The following NIPA1 variants were observed in gnomAD, a reference collection of about 807,000 sequenced individuals.
NIPA1 encodes NIPA magnesium transporter 1.
Under a neutral mutation model 23.9 loss-of-function variants are expected in NIPA1, and 13 were observed. The ratio of observed to expected loss-of-function variants is 0.54; its 90% confidence interval spans 0.35 to 0.87. The LOEUF is 0.87. Among genes scored for constraint, NIPA1 ranks in the 40% least tolerant of loss-of-function variants. The probability of loss-of-function intolerance (pLI) is 0.01; values close to 1 mark genes in which losing one functional copy is unlikely to be tolerated. For missense variants in NIPA1, 362 were observed against 429.7 expected, an observed-to-expected ratio of 0.84 and a Z score of 1.39; for synonymous variants, 234 against 202.9, an observed-to-expected ratio of 1.15 and a Z score of -1.30.
chr15:22,807,804 G>GTGTGTGTGTGTGTGTGTGTGTGTGT (rs1895240688), intron 1 of NIPA1, among the ~76,000 whole-genome samples: 11 of 150,688 alleles, frequency 7.3e-5, no homozygotes, highest in African/African-American at 1.7e-4. Flanking sequence ...GTGTGTGTGT[G>GTGTGTGTGTGTGTGTGTGTGTGTGT]ATGGAGTCTC....
chr15:22,826,082 A>AC lies in NIPA1; in HGVS notation c.*1843_*1844insC, dbSNP rs1375759947. The AC allele has an allele frequency of 6.6e-6, 1 of 152,102 alleles. No homozygotes were observed. The highest frequency in any genetic ancestry group is 2.1e-4 in the South Asian group (1 of 4,830). The allele number at this position is 152,102 out of a possible 1,614,324, so 9.4% of individuals were successfully genotyped here. A position where few individuals can be genotyped will look rare whatever the true frequency, so the allele number is the denominator to read the frequency against. On this transcript the variant is annotated 3_prime_UTR_variant, in exon 5 of 5. Coordinates refer to ENST00000337435, the MANE Select transcript of NIPA1 (RefSeq NM_144599.5). ...CAATTAAAGTTCCTCAGTAAGAAAA[A>AC]AAATGTGTTTTTGTAGGCAAAAAGA...
chr15:22,816,471 G>A (rs962069977), intron 3 of NIPA1, among the ~76,000 whole-genome samples: 3 of 133,388 alleles, frequency 2.2e-5, no homozygotes, highest in African/African-American at 8.3e-5. Context: ...ACAGGTGTGA[G>A]CCACCGCACC....
At chr15:22,811,913 A>G (rs1895324975) in intron 2 of NIPA1, among the ~76,000 whole-genome samples, 1 of 152,204 alleles carries the variant, frequency 6.6e-6, no homozygotes, top group Admixed American at 6.5e-5. Context: ...CGCCCATTTC[A>G]GTCACTGCTG....
intron 4 of NIPA1, among the ~76,000 whole-genome samples, chr15:22,820,980 CTTT>C (rs34707760): frequency 7.1e-6 from 1 of 140,410 alleles, no homozygotes; most frequent in African/African-American, 2.6e-5. Context: ...CTTTTCTTTT[CTTT>C]TTTTTTTTTT....
intron 2 of NIPA1, 95 bp from the exon 3 acceptor site, chr15:22,812,068 C>T: frequency 1.1e-6 from 1 of 927,390 alleles, no homozygotes. Context: ...AATGAAGTAG[C>T]CCTTTCAGGG....
chr15:22,813,764 T>C, intron 3 of NIPA1: 2 of 446,558 alleles, frequency 4.5e-6, no homozygotes. Context: ...CTTGAGAATG[T>C]GTGTGTGGCA....
rs1895619163 is a variant in NIPA1, at chr15:22,824,940, G to A, written c.*701G>A. ...TTATTAACTTAATTTGACTCTTAAT[G>A]TGTATATGTTCTTAGATTAGAATAA... is the stretch of plus-strand genomic sequence containing the variant. On this transcript the variant is annotated 3_prime_UTR_variant, in exon 5 of 5. Coordinates refer to ENST00000337435, the MANE Select transcript of NIPA1 (RefSeq NM_144599.5). This position sits in a 1 kb window ranked among gnomAD's most constrained non-coding sequence, Gnocchi z 4.1. The A allele has an allele frequency of 6.5e-6, 1 of 152,920 alleles. No homozygotes were observed. Among genetic ancestry groups the A allele is most frequent in the Non-Finnish European group, 1.5e-5 (1 of 68,338 alleles). The allele number at this position is 152,920 out of a possible 1,614,324, so 9.5% of individuals were successfully genotyped here. A position where few individuals can be genotyped will look rare whatever the true frequency, so the allele number is the denominator to read the frequency against.
chr15:22,801,212 A>G (rs1895070349), intron 1 of NIPA1, among the ~76,000 whole-genome samples: 1 of 152,142 alleles, frequency 6.6e-6, no homozygotes. Context: ...GGCTGCATGA[A>G]TGTTACCGTT....
At chr15:22,792,810 C>T (rs116635995) in intron 1 of NIPA1, among the ~76,000 whole-genome samples, 6 of 151,756 alleles carry the variant, frequency 4.0e-5, no homozygotes, top group Admixed American at 2.6e-4. Flanking sequence ...AGAAATTGTC[C>T]GGGTGTGGTG....
chr15:22,817,368 G>A (rs182391181), intron 3 of NIPA1, among the ~76,000 whole-genome samples: 4 of 142,834 alleles, frequency 2.8e-5, no homozygotes, highest in East Asian at 4.3e-4. Flanking sequence ...GCATGGTGGC[G>A]CATGCCTGTA....
chr15:22,802,443 T>C (rs1363421987), intron 1 of NIPA1, among the ~76,000 whole-genome samples: 1 of 148,440 alleles, frequency 6.7e-6, no homozygotes, highest in East Asian at 2.0e-4. Flanking sequence ...GATTAATATA[T>C]AAAAAGCTGT....
At chr15:22,811,190 T>TG in intron 2 of NIPA1, 1 of 262,344 alleles carries the variant, frequency 3.8e-6, no homozygotes, top group Non-Finnish European at 7.4e-6. Context: ...TCAGCACAGT[T>TG]GGTTTAACAG....
chr15:22,801,855 A>C (rs1204298171), intron 1 of NIPA1, among the ~76,000 whole-genome samples: 5 of 152,096 alleles, frequency 3.3e-5, no homozygotes, highest in African/African-American at 4.8e-5. Flanking sequence ...GACTGTGTAC[A>C]CTGATGATTC....
chr15:22,806,159 G>A (rs1595637893), intron 1 of NIPA1, among the ~76,000 whole-genome samples: 1 of 152,148 alleles, frequency 6.6e-6, no homozygotes, highest in Non-Finnish European at 1.5e-5. Flanking sequence ...TCCTGACCTT[G>A]TGATCCGCCC....
chr15:22,803,221 T>C (rs1383917453), intron 1 of NIPA1, among the ~76,000 whole-genome samples: 3 of 151,974 alleles, frequency 2.0e-5, no homozygotes, highest in African/African-American at 4.8e-5. Context: ...CCTCCCAAAG[T>C]GCTGGGATTA....
intron 1 of NIPA1, among the ~76,000 whole-genome samples, chr15:22,787,832 G>C (rs1462352685): frequency 6.6e-6 from 1 of 152,206 alleles, no homozygotes; most frequent in Non-Finnish European, 1.5e-5. Flanking sequence ...AACTTTCTCT[G>C]AGTGAGCCAG....
chr15:22,798,697 A>C (rs951356263), intron 1 of NIPA1, among the ~76,000 whole-genome samples: 2 of 150,620 alleles, frequency 1.3e-5, no homozygotes, highest in African/African-American at 4.9e-5. Context: ...AAATACAAAA[A>C]ATTAGTCGGG....
chr15:22,801,507 C>CT (rs35360583), intron 1 of NIPA1, among the ~76,000 whole-genome samples: 855 of 78,956 alleles, frequency 0.011, 15 homozygotes, highest in Middle Eastern at 0.031. Flanking sequence ...CTTCTAGCGA[C>CT]TTTTTTTTTT....
intron 1 of NIPA1, among the ~76,000 whole-genome samples, chr15:22,802,951 CTT>C (rs79886193): frequency 6.7e-6 from 1 of 149,376 alleles, no homozygotes. Flanking sequence ...TGTTGATGAA[CTT>C]TTTTTTTTTT....
Sources: gnomAD v4.1 joint callset for allele counts (sites outside exome capture counted in the v4.1 genomes callset) on GRCh38, gnomAD v4.1.1 for gene constraint, Gnocchi (gnomAD v3.1) non-coding constraint, MANE v1.5 for transcripts, NCBI Gene and HGNC (gene_info 2026-07-23, HGNC 2026-07-21) for gene names.